The following IKBKB variants were observed in gnomAD, a reference collection of about 807,000 sequenced individuals.
IKBKB encodes inhibitor of nuclear factor kappa-B kinase subunit beta.
A neutral mutation model predicts 113.6 loss-of-function variants in IKBKB; 42 were observed. The observed-to-expected ratio is 0.37, with a 90% CI of 0.29 to 0.48. The LOEUF is 0.48. Ranked by LOEUF, IKBKB falls within the 20% of genes least tolerant of loss-of-function variation. IKBKB has a pLI of 0.99. For missense variants in IKBKB, 673 were observed against 939.7 expected (o/e 0.72, Z 3.71); for synonymous variants, 296 against 361.3 (o/e 0.82, Z 2.05).
At chr8:42,312,791 C>T (rs1282675591) in intron 8 of IKBKB, among the ~76,000 whole-genome samples, 1 of 152,238 alleles carries the variant, frequency 6.6e-6, no homozygotes, top group African/African-American at 2.4e-5. Context: ...CTTTCCAGTG[C>T]CAGTGTGCTC....
At position 42,314,334 on chromosome 8, in the gene IKBKB, G is replaced by A; in HGVS notation, c.705G>A (p.Val235=). 1 of 1,613,458 alleles carries A rather than the reference G, an allele frequency of 6.2e-7. No individual in the cohort carries two copies. Among genetic ancestry groups the A allele is most frequent in the South Asian group, 1.1e-5 (1 of 91,068 alleles). Residue 235 remains valine, a synonymous_variant, in exon 9 of 22, where the codon GTG becomes GTA. Coordinates refer to ENST00000520810, the MANE Select transcript of IKBKB (RefSeq NM_001556.3). Reference sequence around the variant, plus strand: ...TTCATATTTGCAGGCATTCAAAAGTGCGGCAGAAGAGTGAGGTGGACATTG... The same window carrying A: ...TTCATATTTGCAGGCATTCAAAAGTACGGCAGAAGAGTGAGGTGGACATTG... The part of the protein sequence containing the change: ...NWQPVQWHSK[V]RQKSEVDIVV...
chr8:42,320,863 G>A lies in IKBKB; in HGVS notation c.1688+19G>A, dbSNP rs760280333. The A allele has an allele frequency of 2.0e-6, 3 of 1,480,696 alleles. No homozygotes were observed. Among genetic ancestry groups the A allele is most frequent in the East Asian group, 2.3e-5 (1 of 42,710 alleles). 91.7% of individuals were successfully genotyped at this position (1,480,696 alleles called of 1,614,324 possible). On this transcript the variant is annotated intron_variant, in intron 16 of 21. Transcript: ENST00000520810. Reference sequence around the variant, plus strand: ...ACGACCTGTGAGTACTGGCTGGGGGGCCCCTCTGTGCCCAGCACACACAGA... The same window carrying A: ...ACGACCTGTGAGTACTGGCTGGGGGACCCCTCTGTGCCCAGCACACACAGA...
At position 42,330,844 on chromosome 8, in the gene IKBKB, C is replaced by T. The variant is rs922764269; in HGVS notation, c.2206-70C>T. 3 of 1,612,166 alleles carry T rather than the reference C, an allele frequency of 1.9e-6. No homozygotes were observed. The African/African-American group carries it at 4.0e-5, about 22-fold the overall frequency. On this transcript the variant is annotated intron_variant, in intron 21 of 21. Transcript: ENST00000520810. The stretch of plus-strand genomic sequence containing the variant: ...TATTTCTCAATTGTCCTGATTTCCT[C>T]CTGAAGAGGAAAAATAACCTGAAAT...
chr8:42,299,863 C>CT (rs1814791296), intron 5 of IKBKB, among the ~76,000 whole-genome samples: 1 of 152,236 alleles, frequency 6.6e-6, no homozygotes, highest in Non-Finnish European at 1.5e-5. Flanking sequence ...GGTCTTTCTG[C>CT]TGATGTCACC....
chr8:42,320,257 G>A (rs919643307), intron 15 of IKBKB: 1 of 164,676 alleles, frequency 6.1e-6, no homozygotes, highest in African/African-American at 2.4e-5. Context: ...TGGAGTATAT[G>A]TGTGTTTAAT....
intron 20 of IKBKB, among the ~76,000 whole-genome samples, chr8:42,327,330 C>CA (rs1820937379): frequency 9.5e-6 from 1 of 105,430 alleles, no homozygotes; most frequent in Non-Finnish European, 1.8e-5. Context: ...CTCTCTCTCT[C>CA]TTTTTTTTTT....
chr8:42,294,672 T>C (rs1813347180), intron 5 of IKBKB, among the ~76,000 whole-genome samples: 2 of 152,240 alleles, frequency 1.3e-5, no homozygotes, highest in South Asian at 4.1e-4. Context: ...TTGGGTGGAG[T>C]TCACATGGAG....
Position 42,306,437 on chromosome 8 carries a change from G to T in IKBKB, c.567+5G>T. On this transcript the variant is annotated splice_donor_5th_base_variant and intron_variant, in intron 7 of 21. Coordinates refer to ENST00000520810, the MANE Select transcript of IKBKB (RefSeq NM_001556.3). Reference sequence around the variant, plus strand: ...GTGGGGACCCTGCAGTACCTGGTAAGAAGTGGGCCTTGCCTGTTTGCCTGT... The same window carrying T: ...GTGGGGACCCTGCAGTACCTGGTAATAAGTGGGCCTTGCCTGTTTGCCTGT... 1 of 1,600,622 alleles carries T rather than the reference G, an allele frequency of 6.2e-7. No homozygotes were observed. The highest frequency in any genetic ancestry group is 8.6e-7 in the Non-Finnish European group (1 of 1,167,812).
intron 11 of IKBKB, chr8:42,317,362 G>A: frequency 2.2e-6 from 1 of 460,560 alleles, no homozygotes; most frequent in South Asian, 2.3e-5. Flanking sequence ...GCTGACTTGT[G>A]GAGCTAAAGT....
chr8:42,318,237 G>C (rs1819059447), intron 12 of IKBKB, among the ~76,000 whole-genome samples: 1 of 151,850 alleles, frequency 6.6e-6, no homozygotes, highest in Non-Finnish European at 1.5e-5. Context: ...ATGCCAGCCT[G>C]GGTGACAAGA....
chr8:42,330,870 G>A (rs539899503), intron 21 of IKBKB, 44 bp from the exon 22 acceptor site: 2 of 1,614,052 alleles, frequency 1.2e-6, no homozygotes, highest in Middle Eastern at 1.7e-4. Flanking sequence ...AACCTGAAAT[G>A]TGTTGGTGGC....
At position 42,308,922 on chromosome 8, in the gene IKBKB, C is replaced by A. The variant is rs1249937878; in HGVS notation, c.589C>A (p.Gln197Lys). The A allele has an allele frequency of 1.2e-6, 2 of 1,614,138 alleles. No individual in the cohort carries two copies. Among genetic ancestry groups the A allele is most frequent in the Admixed American group, 3.3e-5 (2 of 60,020 alleles). The change falls in exon 8 of 22, where the codon CAG (glutamine) becomes AAG (lysine). Residue 197 changes from glutamine to lysine, a missense_variant. Transcript: ENST00000520810. Reference sequence around the variant, plus strand: ...GCAGGCCCCAGAGCTACTGGAGCAGCAGAAGTACACAGTGACCGTCGACTA... The same window carrying A: ...GCAGGCCCCAGAGCTACTGGAGCAGAAGAAGTACACAGTGACCGTCGACTA... ...QYLAPELLEQ[Q>K]KYTVTVDYWS...
intron 11 of IKBKB, chr8:42,317,227 G>T: frequency 2.6e-6 from 1 of 378,312 alleles, no homozygotes; most frequent in Non-Finnish European, 4.8e-6. Context: ...AAAAAAAAAA[G>T]GATGCTGCAC....
In IKBKB at chr8:42,316,795, G is replaced by C. The variant is rs1448407880; in HGVS notation, c.1016G>C (p.Arg339Thr). The C allele has an allele frequency of 6.2e-7, 1 of 1,614,186 alleles. No homozygotes were observed. Among genetic ancestry groups the C allele is most frequent in the Non-Finnish European group, 8.5e-7 (1 of 1,180,042 alleles). Reference protein sequence around the residue: ...EDESLQSLKARIQQDTGIPEE... With the variant: ...EDESLQSLKATIQQDTGIPEE... ...GAGAGTCTGCAGAGCTTGAAGGCCA[G>C]AATCCAACAGGACACGGGCATCCCA... The change falls in exon 11 of 22, where the codon AGA (arginine) becomes ACA (threonine). Residue 339 changes from arginine to threonine, a missense_variant. Around this residue, in one of 2 missense-constraint regions of IKBKB, gnomAD observed 506 missense variants for 638.7 expected, o/e 0.79. Transcript: ENST00000520810. The surrounding 1 kb of genome is among the most constrained non-coding windows in gnomAD (Gnocchi z 4.5).
chr8:42,328,787 G>A (rs890933348), intron 20 of IKBKB, among the ~76,000 whole-genome samples: 1 of 152,082 alleles, frequency 6.6e-6, no homozygotes, highest in South Asian at 2.1e-4. Context: ...TGGAAAACAG[G>A]TGATTTGGAG....
Position 42,331,741 on chromosome 8 carries a change from T to C in IKBKB, c.*762T>C, listed in dbSNP as rs1821710649. The C allele has an allele frequency of 5.5e-6, 2 of 362,526 alleles. No homozygotes were observed. The highest frequency in any genetic ancestry group is 2.6e-5 in the South Asian group (1 of 38,466). 22.5% of individuals were successfully genotyped at this position (362,526 alleles called of 1,614,324 possible). ...GCTGCCTTATTCTGAATCCCAAAAATTACTTGGGGGTGATTGTCACAGAGG... is the reference window on the plus strand; with the variant it reads ...GCTGCCTTATTCTGAATCCCAAAAACTACTTGGGGGTGATTGTCACAGAGG... On this transcript the variant is annotated 3_prime_UTR_variant, in exon 22 of 22. Coordinates refer to ENST00000520810, the MANE Select transcript of IKBKB (RefSeq NM_001556.3).
At chr8:42,288,390 CAAA>C (rs35281996) in intron 2 of IKBKB, among the ~76,000 whole-genome samples, 5 of 136,402 alleles carry the variant, frequency 3.7e-5, no homozygotes, top group Non-Finnish European at 3.1e-5. Flanking sequence ...CCATCTCAAA[CAAA>C]AAAAAAAAAA....
chr8:42,325,941 T>C lies in IKBKB; in HGVS notation c.1987-29T>C, dbSNP rs1432104757. 3.1e-6 allele frequency: 5 copies of C among 1,612,680 alleles called. No individual in the cohort carries two copies. In the African/African-American group the frequency reaches 5.3e-5, roughly 17 times the overall value. ...TGCAAAATGTGATTCATCACTTGGC[T>C]CCTAATTTCTTTTGATTTTGTCCCC... On this transcript the variant is annotated intron_variant, in intron 19 of 21. Transcript: ENST00000520810.
intron 5 of IKBKB, among the ~76,000 whole-genome samples, chr8:42,303,436 G>A (rs1198989141): frequency 1.3e-5 from 2 of 152,138 alleles, no homozygotes; most frequent in Non-Finnish European, 2.9e-5. Flanking sequence ...TACCAGTGAA[G>A]TGATACCATT....
Sources: allele counts gnomAD v4.1 joint callset (sites outside exome capture counted in the v4.1 genomes callset), GRCh38; gene constraint gnomAD v4.1.1; regional missense constraint gnomAD v4.1.1; non-coding constraint Gnocchi (gnomAD v3.1); transcripts MANE v1.5; gene names NCBI Gene and HGNC (gene_info 2026-07-23, HGNC 2026-07-21).